Variants in KAZN observed in about 807,000 individuals in gnomAD.
KAZN encodes kazrin.
A neutral mutation model predicts 87.4 loss-of-function variants in KAZN; 40 were observed. The observed-to-expected ratio is 0.46, with a 90% CI of 0.36 to 0.60. The LOEUF is 0.60. KAZN is among the 20% of genes least tolerant of loss of function. The pLI is 0.00. For missense variants in KAZN, 898 were observed against 1,073.9 expected (o/e 0.84, Z 2.29); for synonymous variants, 466 against 458.3 (o/e 1.02, Z -0.22).
intron 2 of KAZN, among the ~76,000 whole-genome samples, chr1:14,581,866 A>G (rs1260437077): frequency 2.0e-5 from 3 of 152,142 alleles, no homozygotes; most frequent in African/African-American, 7.2e-5. Context: ...CATCTCATAT[A>G]AAATAGAAGC....
chr1:15,011,518 C>G (rs934426868), intron 2 of KAZN, among the ~76,000 whole-genome samples: 3 of 152,192 alleles, frequency 2.0e-5, no homozygotes, highest in African/African-American at 7.2e-5. Flanking sequence ...AGCTCATGCT[C>G]TCTCTCTGAC....
intron 2 of KAZN, among the ~76,000 whole-genome samples, chr1:14,404,108 A>AT (rs1301861667): frequency 6.6e-6 from 1 of 152,198 alleles, no homozygotes; most frequent in Non-Finnish European, 1.5e-5. Flanking sequence ...TGCCGTTTGC[A>AT]TAACACGGGA....
chr1:14,581,979 A>G lies in KAZN; in HGVS notation c.250-17004A>G, dbSNP rs145280108. Among the ~76,000 whole-genome samples the G allele has an allele frequency of 4.0e-3, 607 of 152,064 alleles. 26 individuals carry two copies. The East Asian group carries it at 0.075, about 19-fold the overall frequency. On this transcript the variant is annotated intron_variant, in intron 2 of 16. Coordinates refer to the KAZN transcript ENST00000636203. The stretch of plus-strand genomic sequence containing the variant: ...TATATACTTACATTTGTATGTAGGC[A>G]TGTCTACCTCGTACCACCCAGACTA...
At chr1:14,366,631 G>T (rs1316078312) in intron 2 of KAZN, among the ~76,000 whole-genome samples, 1 of 152,202 alleles carries the variant, frequency 6.6e-6, no homozygotes, top group South Asian at 2.1e-4. Context: ...GAGCACTTTT[G>T]TGTGCCAGCG....
intron 1 of KAZN, among the ~76,000 whole-genome samples, chr1:14,052,523 C>T (rs1237143401): frequency 6.7e-6 from 1 of 149,232 alleles, no homozygotes; most frequent in Non-Finnish European, 1.5e-5. Flanking sequence ...AAAAGAAGGA[C>T]AGGGTGTGGG....
chr1:14,141,398 A>T (rs1645236732), intron 1 of KAZN, among the ~76,000 whole-genome samples: 1 of 151,602 alleles, frequency 6.6e-6, no homozygotes, highest in South Asian at 2.1e-4. Context: ...GTTGACATAG[A>T]CCCTCTCCAA....
intron 1 of KAZN, among the ~76,000 whole-genome samples, chr1:14,932,186 A>T (rs562089942): frequency 2.0e-5 from 3 of 152,084 alleles, no homozygotes; most frequent in African/African-American, 4.8e-5. Context: ...TTGTCCTGTG[A>T]TTCACCTCTG....
chr1:14,711,483 C>G (rs1370926863), intron 1 of KAZN, among the ~76,000 whole-genome samples: 6 of 152,152 alleles, frequency 3.9e-5, no homozygotes, highest in African/African-American at 1.4e-4. Flanking sequence ...CATGGTTCCC[C>G]ACGCCCTTCC....
At chr1:14,471,461 G>T (rs529191311) in intron 2 of KAZN, among the ~76,000 whole-genome samples, 2 of 152,254 alleles carry the variant, frequency 1.3e-5, no homozygotes, top group Admixed American at 6.5e-5. Flanking sequence ...CAGGGACATT[G>T]CATCGACTTT....
At chr1:14,137,225 A>G (rs75304072) in intron 1 of KAZN, among the ~76,000 whole-genome samples, 3,074 of 152,240 alleles carry the variant, frequency 0.02, 102 homozygotes, top group African/African-American at 0.069. Context: ...ACCAGAGGTG[A>G]TGGTCAGGCA....
At chr1:14,574,690 C>T (rs774126048) in intron 2 of KAZN, among the ~76,000 whole-genome samples, 31 of 152,128 alleles carry the variant, frequency 2.0e-4, no homozygotes, top group South Asian at 4.1e-4. Flanking sequence ...TACATTCATT[C>T]AACCATCATT....
chr1:14,348,983 G>C (rs945300702), intron 2 of KAZN: 3 of 152,236 alleles, frequency 2.0e-5, no homozygotes, highest in African/African-American at 7.2e-5. Flanking sequence ...CTGTTCAACA[G>C]ATATTTACTG....
chr1:14,419,804 G>A (rs1286963115), intron 2 of KAZN, among the ~76,000 whole-genome samples: 4 of 152,164 alleles, frequency 2.6e-5, no homozygotes, highest in Admixed American at 6.5e-5. Context: ...CATTCCTCCC[G>A]GTGGGTTCGG....
chr1:14,555,492 AACTTT>A (rs1171327437), intron 2 of KAZN, among the ~76,000 whole-genome samples: 1 of 152,200 alleles, frequency 6.6e-6, no homozygotes, highest in Non-Finnish European at 1.5e-5. Flanking sequence ...TATAGGAAAT[AACTTT>A]ACTTTAGAAA....
At chr1:13,984,192 G>T (rs1051943427) in intron 1 of KAZN, among the ~76,000 whole-genome samples, 1 of 151,782 alleles carries the variant, frequency 6.6e-6, no homozygotes, top group Non-Finnish European at 1.5e-5. Flanking sequence ...TTGTATTTTT[G>T]GTAGAGACGG....
At chr1:14,922,503 A>C (rs111808439) in intron 1 of KAZN, among the ~76,000 whole-genome samples, 2 of 152,156 alleles carry the variant, frequency 1.3e-5, no homozygotes, top group Non-Finnish European at 2.9e-5. Flanking sequence ...AGCACCCAGC[A>C]CTTCCCATGC....
chr1:14,628,860 T>A (rs1198250031), intron 1 of KAZN, among the ~76,000 whole-genome samples: 4 of 151,366 alleles, frequency 2.6e-5, no homozygotes, highest in African/African-American at 7.3e-5. Context: ...TTTTTTTTTT[T>A]TTTATAGATG....
In KAZN at chr1:14,728,050, C is replaced by T. The variant is rs557152100; in HGVS notation, c.226+128827C>T. On this transcript the variant is annotated intron_variant, in intron 1 of 14. Transcript: ENST00000376030. ...CCTGTAATCCCAGCACTTTGGGAGGCCGAGACGGGCGGATCATCTGAGGTC... is the reference window on the plus strand; with the variant it reads ...CCTGTAATCCCAGCACTTTGGGAGGTCGAGACGGGCGGATCATCTGAGGTC... Among the ~76,000 whole-genome samples the T allele has an allele frequency of 9.7e-4, 148 of 151,888 alleles. 1 individual carries two copies. The highest frequency in any genetic ancestry group is 3.2e-3 in the African/African-American group (133 of 41,476).
At chr1:14,321,040 C>G (rs937479592) in intron 2 of KAZN, among the ~76,000 whole-genome samples, 1 of 152,094 alleles carries the variant, frequency 6.6e-6, no homozygotes, top group African/African-American at 2.4e-5. Context: ...AAATCATATT[C>G]TCTGGAATTA....
Sources: allele counts gnomAD v4.1 joint callset (sites outside exome capture counted in the v4.1 genomes callset), GRCh38; gene constraint gnomAD v4.1.1; transcripts MANE v1.5; gene names NCBI Gene and HGNC (gene_info 2026-07-23, HGNC 2026-07-21).